Variants in EYS observed in about 807,000 individuals in gnomAD.
EYS encodes EGF-like photoreceptor maintenance factor, also known as protein eyes shut homolog.
A neutral mutation model predicts 282.1 loss-of-function variants in EYS; 250 were observed. That is an observed-to-expected ratio of 0.89 (90% confidence interval 0.80 to 0.98). The LOEUF (loss-of-function observed/expected upper bound fraction) is 0.98, where lower values mean the gene tolerates loss of function less well. Among genes scored for constraint, EYS ranks in the 50% least tolerant of loss-of-function variants. EYS has a pLI of 0.00. For missense variants in EYS, 4,016 were observed against 3,709.0 expected (o/e 1.08, Z -2.15); for synonymous variants, 1,355 against 1,282.9 (o/e 1.06, Z -1.20).
intron 35 of EYS, among the ~76,000 whole-genome samples, chr6:63,969,488 A>G (rs559960144): frequency 1.3e-3 from 201 of 152,340 alleles, no homozygotes; most frequent in Non-Finnish European, 2.5e-3. Context: ...AAACTAACAA[A>G]TAGGGAGTAA....
chr6:64,433,438 AAAAT>A (rs1450735285), intron 28 of EYS, among the ~76,000 whole-genome samples: 1 of 152,050 alleles, frequency 6.6e-6, no homozygotes, highest in East Asian at 1.9e-4. Context: ...AAGATACTGA[AAAAT>A]AAAATTAATG....
At chr6:64,903,703 C>T (rs998570931) in intron 16 of EYS, among the ~76,000 whole-genome samples, 1 of 152,122 alleles carries the variant, frequency 6.6e-6, no homozygotes, top group Admixed American at 6.6e-5. Context: ...TCGGTATTTT[C>T]TCACTCAGAT....
intron 31 of EYS, among the ~76,000 whole-genome samples, chr6:64,200,429 G>T (rs898146545): frequency 2.0e-5 from 3 of 152,066 alleles, no homozygotes; most frequent in Admixed American, 1.3e-4. Context: ...GGAAGTTAGG[G>T]TATATATAAC....
chr6:63,971,512 G>A (rs2149783772), intron 35 of EYS, among the ~76,000 whole-genome samples: 1 of 152,220 alleles, frequency 6.6e-6, no homozygotes, highest in Middle Eastern at 3.4e-3. Flanking sequence ...ACAGGTCTTG[G>A]TGATCTTCAG....
At chr6:65,148,096 CA>C (rs1351196952) in intron 12 of EYS, among the ~76,000 whole-genome samples, 1 of 152,020 alleles carries the variant, frequency 6.6e-6, no homozygotes, top group Non-Finnish European at 1.5e-5. Flanking sequence ...ATTCCACCCC[CA>C]GCCCATCCCA....
At position 64,295,354 on chromosome 6, in the gene EYS, GGAA is replaced by G. The variant is rs201202221; in HGVS notation, c.6191+11613_6191+11615del. 5.1e-4 allele frequency among the ~76,000 whole-genome samples: 17 copies of G among 33,132 alleles called. 4 individuals carry two copies. The highest frequency in any genetic ancestry group is 6.7e-4 in the Non-Finnish European group (13 of 19,284). 21.7% of individuals were successfully genotyped at this position (33,132 alleles called of 152,430 possible). A position where few individuals can be genotyped will look rare whatever the true frequency, so the allele number is the denominator to read the frequency against. On this transcript the variant is annotated intron_variant, in intron 30 of 42. Coordinates refer to ENST00000503581, the MANE Select transcript of EYS (RefSeq NM_001142800.2). ...AGGAAGAAAGGAAGAAAGGAAGAAA[GGAA>G]GAAGAAGAAGAAGGAAGAAGAAGAA...
chr6:65,044,091 T>C (rs1773025376), intron 13 of EYS, among the ~76,000 whole-genome samples: 1 of 151,592 alleles, frequency 6.6e-6, no homozygotes, highest in Non-Finnish European at 1.5e-5. Flanking sequence ...AGGAGTAAAG[T>C]GATATTTCGT....
At chr6:64,999,603 G>A (rs62416486) in intron 13 of EYS, among the ~76,000 whole-genome samples, 19,107 of 152,128 alleles carry the variant, frequency 0.13, 1,416 homozygotes, top group East Asian at 0.24. Flanking sequence ...TGCCCACATC[G>A]TGTGCCTATA....
At chr6:65,523,509 G>A (rs949109674) in intron 2 of EYS, among the ~76,000 whole-genome samples, 7 of 152,096 alleles carry the variant, frequency 4.6e-5, no homozygotes, top group South Asian at 2.1e-4. Context: ...GCAAACAGTT[G>A]TTATGAAGAA....
intron 26 of EYS, among the ~76,000 whole-genome samples, chr6:64,559,539 T>C (rs375454638): frequency 1.1e-4 from 16 of 152,268 alleles, no homozygotes; most frequent in African/African-American, 3.9e-4. Context: ...GTGGCGATTG[T>C]TGATATATAT....
At chr6:63,882,572 G>A (rs1346633802) in intron 35 of EYS, among the ~76,000 whole-genome samples, 1 of 152,190 alleles carries the variant, frequency 6.6e-6, no homozygotes, top group Non-Finnish European at 1.5e-5. Flanking sequence ...GAATGAAATA[G>A]ATATCATCCC....
At chr6:65,499,411 T>G (rs561755104) in intron 2 of EYS, among the ~76,000 whole-genome samples, 33 of 152,100 alleles carry the variant, frequency 2.2e-4, no homozygotes, top group Admixed American at 1.5e-3. Context: ...TTGCACTCAA[T>G]AGACAATATT....
intron 22 of EYS, among the ~76,000 whole-genome samples, chr6:64,752,533 A>C (rs1018659330): frequency 6.6e-6 from 1 of 152,160 alleles, no homozygotes; most frequent in East Asian, 1.9e-4. Context: ...CTTATGAGTC[A>C]TAGGTATTGC....
At chr6:63,856,521 G>C (rs1431785694) in intron 36 of EYS, among the ~76,000 whole-genome samples, 1 of 152,164 alleles carries the variant, frequency 6.6e-6, no homozygotes, top group Non-Finnish European at 1.5e-5. Flanking sequence ...ATAGTGAATA[G>C]TCTGTTCTCT....
chr6:65,483,378 T>C (rs1398693543), intron 5 of EYS, among the ~76,000 whole-genome samples: 1 of 152,194 alleles, frequency 6.6e-6, no homozygotes, highest in Admixed American at 6.5e-5. Context: ...ATGACAATTA[T>C]AATATTCCAA....
chr6:64,482,212 A>G (rs1776456106), intron 26 of EYS, among the ~76,000 whole-genome samples: 1 of 151,674 alleles, frequency 6.6e-6, no homozygotes, highest in Non-Finnish European at 1.5e-5. Flanking sequence ...CATTGGTCTA[A>G]GGTAACTTAG....
At chr6:64,795,368 T>C (rs1774323091) in intron 22 of EYS, among the ~76,000 whole-genome samples, 1 of 151,724 alleles carries the variant, frequency 6.6e-6, no homozygotes, top group Admixed American at 6.6e-5. Flanking sequence ...TGGTTGAAAA[T>C]AGAGAGGAAG....
At chr6:64,690,308 C>T (rs569506936) in intron 22 of EYS, among the ~76,000 whole-genome samples, 7 of 151,942 alleles carry the variant, frequency 4.6e-5, no homozygotes, top group Non-Finnish European at 7.4e-5. Flanking sequence ...GAATGGTGAT[C>T]ATTAAAAAGT....
intron 29 of EYS, among the ~76,000 whole-genome samples, chr6:64,370,714 T>G (rs1038168744): frequency 6.6e-6 from 1 of 152,120 alleles, no homozygotes; most frequent in South Asian, 2.1e-4. Context: ...TATTGGTCTG[T>G]TCAGGGATTC....
Sources: gnomAD v4.1 joint callset for allele counts (sites outside exome capture counted in the v4.1 genomes callset) on GRCh38, gnomAD v4.1.1 for gene constraint, MANE v1.5 for transcripts, NCBI Gene and HGNC (gene_info 2026-07-23, HGNC 2026-07-21) for gene names.